The following ST8SIA6 variants were observed in gnomAD, a reference collection of about 807,000 sequenced individuals.
ST8SIA6 encodes ST8 alpha-N-acetyl-neuraminide alpha-2,8-sialyltransferase 6, also known as alpha-2,8-sialyltransferase 8F.
In ST8SIA6, 39 loss-of-function variants were observed where a neutral mutation model predicts 33.6. The ratio of observed to expected loss-of-function variants is 1.16; its 90% CI spans 0.90 to 1.52. The LOEUF (loss-of-function observed/expected upper bound fraction) is 1.52. Ranked by LOEUF, ST8SIA6 falls within the 40% of genes most tolerant of loss-of-function variation. ST8SIA6 has a pLI of 0.00. For missense variants in ST8SIA6, 441 were observed against 443.8 expected (o/e 0.99, Z 0.06); for synonymous variants, 172 against 167.2 (o/e 1.03, Z -0.22).
At chr10:17,448,280 A>G (rs975060252) in intron 2 of ST8SIA6, among the ~76,000 whole-genome samples, 4 of 152,224 alleles carry the variant, frequency 2.6e-5, no homozygotes, top group Non-Finnish European at 5.9e-5. Context: ...CTCATGGTTC[A>G]ATCATCACAG....
intron 7 of ST8SIA6, among the ~76,000 whole-genome samples, chr10:17,321,872 G>T (rs762541276): frequency 2.6e-5 from 4 of 152,148 alleles, no homozygotes; most frequent in African/African-American, 4.8e-5. Context: ...GAGGCGAGAA[G>T]ATCACTTGAG....
At chr10:17,427,583 GAGA>G (rs1295065425) in intron 2 of ST8SIA6, among the ~76,000 whole-genome samples, 1 of 152,228 alleles carries the variant, frequency 6.6e-6, no homozygotes, top group Non-Finnish European at 1.5e-5. Flanking sequence ...AGTTACAGAG[GAGA>G]AGGTGATGGG....
chr10:17,389,200 C>T (rs1284192485), intron 3 of ST8SIA6, among the ~76,000 whole-genome samples: 2 of 152,132 alleles, frequency 1.3e-5, no homozygotes, highest in Non-Finnish European at 2.9e-5. Flanking sequence ...ACTCTGATCC[C>T]CGATCCAACG....
At chr10:17,377,827 A>G (rs1849967979) in intron 3 of ST8SIA6, among the ~76,000 whole-genome samples, 1 of 152,222 alleles carries the variant, frequency 6.6e-6, no homozygotes, top group Non-Finnish European at 1.5e-5. Flanking sequence ...TATTTCTAAG[A>G]AAACGAAATT....
At chr10:17,426,828 G>C (rs1042054268) in intron 2 of ST8SIA6, among the ~76,000 whole-genome samples, 4 of 152,158 alleles carry the variant, frequency 2.6e-5, no homozygotes, top group Non-Finnish European at 5.9e-5. Flanking sequence ...GGGGCCAGGC[G>C]CAGTGGCTCA....
intron 3 of ST8SIA6, among the ~76,000 whole-genome samples, chr10:17,376,433 C>A (rs1339626067): frequency 6.6e-6 from 1 of 151,894 alleles, no homozygotes; most frequent in East Asian, 1.9e-4. Flanking sequence ...ACTGAACAAA[C>A]CTAATGGTCC....
chr10:17,350,178 A>G (rs1488931817), intron 4 of ST8SIA6, among the ~76,000 whole-genome samples: 1 of 152,224 alleles, frequency 6.6e-6, no homozygotes, highest in Non-Finnish European at 1.5e-5. Flanking sequence ...AGAAGGATTC[A>G]TCGTGGTTCA....
At position 17,323,155 on chromosome 10, in the gene ST8SIA6, C is replaced by T; in HGVS notation, c.638G>A (p.Cys213Tyr). Reference protein sequence around the residue: ...EIDKSDFVFRCNLPPTTGDVS... With the variant: ...EIDKSDFVFRYNLPPTTGDVS... ...ATCTCCTGTGGTTGGGGGTAGGTTA[C>T]ACCTGAAATTTGAAAAGAAAATCAT... The change falls in exon 7 of 8, where the codon TGT (cysteine) becomes TAT (tyrosine). Residue 213 changes from cysteine to tyrosine, a missense_variant and splice_region_variant. Coordinates refer to ENST00000377602, the MANE Select transcript of ST8SIA6 (RefSeq NM_001004470.3). 1 of 1,612,118 alleles carries T rather than the reference C, an allele frequency of 6.2e-7. No individual in the cohort carries two copies. Among genetic ancestry groups the T allele is most frequent in the South Asian group, 1.1e-5 (1 of 90,742 alleles).
intron 3 of ST8SIA6, among the ~76,000 whole-genome samples, chr10:17,390,319 C>T (rs1251891323): frequency 1.3e-5 from 2 of 152,090 alleles, no homozygotes; most frequent in South Asian, 2.1e-4. Context: ...GATCCAGGGA[C>T]AAATAAGTTG....
chr10:17,441,893 G>C (rs950489761), intron 2 of ST8SIA6, among the ~76,000 whole-genome samples: 9 of 149,680 alleles, frequency 6.0e-5, no homozygotes, highest in Non-Finnish European at 8.9e-5. Context: ...TTTTGAGATG[G>C]AGTCTTGCTC....
At chr10:17,386,009 C>A (rs895076196) in intron 3 of ST8SIA6, among the ~76,000 whole-genome samples, 1 of 152,048 alleles carries the variant, frequency 6.6e-6, no homozygotes, top group African/African-American at 2.4e-5. Context: ...AAAGAAAGAC[C>A]CCATCTCTAC....
chr10:17,346,036 T>C (rs917672246), intron 4 of ST8SIA6, among the ~76,000 whole-genome samples: 5 of 152,232 alleles, frequency 3.3e-5, no homozygotes, highest in African/African-American at 1.2e-4. Flanking sequence ...GAAAGTGTTG[T>C]GGCTTCTGCC....
chr10:17,447,226 T>C (rs1350918041), intron 2 of ST8SIA6, among the ~76,000 whole-genome samples: 1 of 151,360 alleles, frequency 6.6e-6, no homozygotes, highest in African/African-American at 2.4e-5. Context: ...CCATCTTTAC[T>C]AAAAATTAGT....
chr10:17,348,460 T>C (rs1848921731), intron 4 of ST8SIA6, among the ~76,000 whole-genome samples: 1 of 152,206 alleles, frequency 6.6e-6, no homozygotes, highest in East Asian at 1.9e-4. Context: ...GGCCAAGTCC[T>C]AACTGTAGGC....
intron 2 of ST8SIA6, among the ~76,000 whole-genome samples, chr10:17,432,917 G>A (rs1018917730): frequency 8.3e-4 from 127 of 152,110 alleles, no homozygotes; most frequent in African/African-American, 2.9e-3. Context: ...CAACCCAGCT[G>A]TTTCTGTACC....
At chr10:17,374,833 CAAG>C (rs1383352674) in intron 3 of ST8SIA6, among the ~76,000 whole-genome samples, 1 of 150,432 alleles carries the variant, frequency 6.6e-6, no homozygotes, top group Admixed American at 6.6e-5. Flanking sequence ...CTTTGATTAC[CAAG>C]AAGAATTTCC....
At chr10:17,415,037 C>T (rs1851560360) in intron 2 of ST8SIA6, among the ~76,000 whole-genome samples, 1 of 152,102 alleles carries the variant, frequency 6.6e-6, no homozygotes, top group Non-Finnish European at 1.5e-5. Context: ...GGTTATCCTT[C>T]TCACAAGCAC....
intron 2 of ST8SIA6, among the ~76,000 whole-genome samples, chr10:17,411,854 T>C (rs1000605753): frequency 1.3e-5 from 2 of 152,204 alleles, no homozygotes; most frequent in African/African-American, 2.4e-5. Context: ...TGAGTTCTAA[T>C]GAGTTTTTAA....
Position 17,349,673 on chromosome 10 carries a change from G to T in ST8SIA6, c.377+9841C>A, listed in dbSNP as rs535807750. Among the ~76,000 whole-genome samples the T allele has an allele frequency of 9.9e-5, 15 of 152,188 alleles. No homozygotes were observed. The South Asian group carries it at 3.1e-3, about 32-fold the overall frequency. On this transcript the variant is annotated intron_variant, in intron 4 of 7. Transcript: ENST00000377602. ...AGTAGTAACTTATTCACTTACAGGG[G>T]AGACCAAATTTAAAAGAAAATGAAA...
Sources: gnomAD v4.1 joint callset for allele counts (sites outside exome capture counted in the v4.1 genomes callset) on GRCh38, gnomAD v4.1.1 for gene constraint, MANE v1.5 for transcripts, NCBI Gene and HGNC (gene_info 2026-07-23, HGNC 2026-07-21) for gene names.